Variants in PCDH9 observed in about 807,000 individuals in gnomAD.
The protein encoded by PCDH9 is protocadherin-9.
In PCDH9, 24 loss-of-function variants were observed where a neutral mutation model predicts 70.6. The observed-to-expected ratio is 0.34, with a 90% CI of 0.25 to 0.48. The LOEUF (loss-of-function observed/expected upper bound fraction) is 0.48, where lower values mean the gene tolerates loss of function less well. PCDH9 is among the 20% of genes least tolerant of loss of function. PCDH9 has a pLI of 0.99. For missense variants in PCDH9, 1,281 were observed against 1,503.6 expected (o/e 0.85, Z 2.45); for synonymous variants, 562 against 558.5 (o/e 1.01, Z -0.09).
chr13:66,541,896 T>C (rs1229858266), intron 4 of PCDH9, among the ~76,000 whole-genome samples: 2 of 152,168 alleles, frequency 1.3e-5, no homozygotes, highest in Non-Finnish European at 2.9e-5. Context: ...CCTTGGAGTT[T>C]TGTTTATCTG....
At chr13:67,183,883 C>A (rs1260188881) in intron 2 of PCDH9, among the ~76,000 whole-genome samples, 1 of 152,090 alleles carries the variant, frequency 6.6e-6, no homozygotes, top group African/African-American at 2.4e-5. Context: ...AATATTATGT[C>A]CCTTTGGTGA....
Position 66,854,783 on chromosome 13 carries a change from A to G in PCDH9, c.3138+48721T>C, listed in dbSNP as rs553835761. On this transcript the variant is annotated intron_variant, in intron 3 of 4. Transcript: ENST00000377865. ...GATAAGCTTTATTCAGGAACGAGTT[A>G]TATTGTTGTTGGCCAGGAGTTCAAC... is the stretch of plus-strand genomic sequence containing the variant. 6.6e-5 allele frequency among the ~76,000 whole-genome samples: 10 copies of G among 152,262 alleles called. No individual in the cohort carries two copies. The South Asian group carries it at 2.1e-3, about 32-fold the overall frequency.
chr13:66,834,458 T>C (rs1199108856), intron 3 of PCDH9, among the ~76,000 whole-genome samples: 1 of 152,064 alleles, frequency 6.6e-6, no homozygotes, highest in African/African-American at 2.4e-5. Context: ...GGTCTTTTGG[T>C]TTCTGAACTT....
intron 4 of PCDH9, among the ~76,000 whole-genome samples, chr13:66,365,974 A>G (rs1316668990): frequency 6.6e-6 from 1 of 152,084 alleles, no homozygotes; most frequent in Admixed American, 6.6e-5. Flanking sequence ...ATAATGGGAG[A>G]TTAGCATAAA....
intron 3 of PCDH9, among the ~76,000 whole-genome samples, chr13:66,769,937 T>C (rs1339981466): frequency 6.6e-6 from 1 of 152,074 alleles, no homozygotes; most frequent in Non-Finnish European, 1.5e-5. Context: ...TAATTTCTTT[T>C]TGAAAATAAG....
At chr13:66,375,751 T>C (rs922999498) in intron 4 of PCDH9, among the ~76,000 whole-genome samples, 2 of 152,092 alleles carry the variant, frequency 1.3e-5, no homozygotes, top group Non-Finnish European at 2.9e-5. Context: ...AGTGTATTAC[T>C]TTATACAGTA....
At position 67,042,665 on chromosome 13, in the gene PCDH9, A is replaced by G. The variant is rs58200176; in HGVS notation, c.3037-139060T>C. On this transcript the variant is annotated intron_variant, in intron 2 of 4. Coordinates refer to ENST00000377865, the MANE Select transcript of PCDH9 (RefSeq NM_203487.3). ...TTAGCAATTGTCTTTCTTACTATTC[A>G]TTCAAAAACAAATATTGCTTGTCTA... Among the ~76,000 whole-genome samples, 540 of 152,322 alleles carry G rather than the reference A, an allele frequency of 3.5e-3. 7 individuals carry two copies. The highest frequency in any genetic ancestry group is 0.035 in the East Asian group (179 of 5,182).
chr13:66,758,313 A>G (rs1406708047), intron 3 of PCDH9, among the ~76,000 whole-genome samples: 2 of 152,160 alleles, frequency 1.3e-5, no homozygotes, highest in Admixed American at 1.3e-4. Context: ...CTAACTATAA[A>G]TATGTATCCT....
intron 2 of PCDH9, among the ~76,000 whole-genome samples, chr13:67,187,251 C>T (rs1213244053): frequency 1.3e-5 from 2 of 152,128 alleles, no homozygotes; most frequent in Non-Finnish European, 2.9e-5. Flanking sequence ...TCTGATCCTC[C>T]TAGTAAATAT....
intron 4 of PCDH9, among the ~76,000 whole-genome samples, chr13:66,328,398 T>G (rs1489860022): frequency 2.0e-5 from 3 of 152,162 alleles, no homozygotes; most frequent in Non-Finnish European, 4.4e-5. Context: ...CTTAGAAGTA[T>G]GATATTATCA....
chr13:66,599,890 C>T (rs984310751), intron 4 of PCDH9, among the ~76,000 whole-genome samples: 2 of 151,814 alleles, frequency 1.3e-5, no homozygotes, highest in African/African-American at 2.4e-5. Flanking sequence ...ATATAATTTT[C>T]TCATAATTTT....
At chr13:66,670,912 TAAAAAAA>T (rs35287889) in intron 3 of PCDH9, among the ~76,000 whole-genome samples, 33 of 120,214 alleles carry the variant, frequency 2.7e-4, no homozygotes, top group African/African-American at 8.2e-4. Flanking sequence ...TGTTCTTATT[TAAAAAAA>T]AAAAAAAAAA....
chr13:66,649,674 C>T (rs1172905359), intron 3 of PCDH9, among the ~76,000 whole-genome samples: 1 of 152,060 alleles, frequency 6.6e-6, no homozygotes, highest in Non-Finnish European at 1.5e-5. Flanking sequence ...TTTTATAACA[C>T]TGTTCTTGCG....
rs182252783 is a variant in PCDH9 at position 66,404,698 on chromosome 13, G to A, written c.3341-99670C>T. Among the ~76,000 whole-genome samples, 15 of 152,196 alleles carry A rather than the reference G, an allele frequency of 9.9e-5. No individual in the cohort carries two copies. The East Asian group carries it at 1.7e-3, about 18-fold the overall frequency. ...TGTAGTTGTAAACCTTATAATTTAC[G>A]TATGCTGTTTTAGTGCATTTTTGGA... On this transcript the variant is annotated intron_variant, in intron 4 of 4. Transcript: ENST00000377865.
At chr13:66,776,523 T>G (rs1030850437) in intron 3 of PCDH9, among the ~76,000 whole-genome samples, 2 of 151,526 alleles carry the variant, frequency 1.3e-5, no homozygotes, top group African/African-American at 4.8e-5. Context: ...TGAACTCCCA[T>G]TCACAATTGC....
chr13:66,700,925 T>C lies in PCDH9; in HGVS notation c.3139-69514A>G, dbSNP rs565650624. 7.3e-3 allele frequency among the ~76,000 whole-genome samples: 248 copies of C among 34,014 alleles called. 1 individual carries two copies. Among genetic ancestry groups the C allele is most frequent in the Middle Eastern group, 0.043 (3 of 70 alleles). The allele number at this position is 34,014 out of a possible 152,430, so 22.3% of individuals were successfully genotyped here. On this transcript the variant is annotated intron_variant, in intron 3 of 4. Transcript: ENST00000377865. Reference sequence around the variant, plus strand: ...GAAAATATATGTGTGTACATATAAATATATATATATATATATATATATATA... The same window carrying C: ...GAAAATATATGTGTGTACATATAAACATATATATATATATATATATATATA...
At chr13:66,933,725 G>A (rs1054777676) in intron 2 of PCDH9, among the ~76,000 whole-genome samples, 2 of 152,118 alleles carry the variant, frequency 1.3e-5, no homozygotes, top group African/African-American at 2.4e-5. Context: ...AAGGAAAAGT[G>A]TCATCAATCA....
chr13:66,708,403 G>GTTTTTTTTTTTTT (rs36087870), intron 3 of PCDH9, among the ~76,000 whole-genome samples: 26 of 136,988 alleles, frequency 1.9e-4, no homozygotes, highest in Non-Finnish European at 2.6e-4. Flanking sequence ...TTGAGATTTA[G>GTTTTTTTTTTTTT]TTTTTTTTTT....
intron 2 of PCDH9, among the ~76,000 whole-genome samples, chr13:67,139,331 T>C (rs1482362933): frequency 1.3e-5 from 2 of 152,232 alleles, no homozygotes; most frequent in African/African-American, 4.8e-5. Flanking sequence ...TCTTAACCGC[T>C]ATTACCAAGT....
Sources: gnomAD v4.1 joint callset for allele counts (sites outside exome capture counted in the v4.1 genomes callset) on GRCh38, gnomAD v4.1.1 for gene constraint, MANE v1.5 for transcripts, NCBI Gene and HGNC (gene_info 2026-07-23, HGNC 2026-07-21) for gene names.